CXCL12: variants seen among roughly 807,000 people sequenced by gnomAD.
CXCL12 encodes stromal cell-derived factor 1.
A neutral mutation model predicts 10.7 loss-of-function variants in CXCL12; 4 were observed. The ratio of observed to expected loss-of-function variants is 0.37; its 90% CI spans 0.18 to 0.86. CXCL12 has a LOEUF of 0.86. CXCL12 is among the 40% of genes least tolerant of loss of function. CXCL12 has a pLI of 0.43. For synonymous variants in CXCL12, 54 were observed against 45.4 expected, an observed-to-expected ratio of 1.19 and a Z score of -0.77; for missense variants, 122 against 110.4, an observed-to-expected ratio of 1.10 and a Z score of -0.47.
At chr10:44,373,488 G>A (rs751500546), downstream of CXCL12, 2 of 741,654 alleles carry the variant, frequency 2.7e-6, no homozygotes, top group African/African-American at 1.7e-5. Flanking sequence ...TCCCTTCAGA[G>A]GCCCTGCGAC....
chr10:44,370,462 T>C (rs1283725798), exon 4 of CXCL12: 1 of 152,490 alleles, frequency 6.6e-6, no homozygotes, highest in Non-Finnish European at 1.5e-5. Flanking sequence ...GTTTTATCAG[T>C]GGTCTGCTTA....
chr10:44,382,614 C>T (rs914926795), intron 1 of CXCL12, among the ~76,000 whole-genome samples: 2 of 152,038 alleles, frequency 1.3e-5, no homozygotes, highest in African/African-American at 4.8e-5. Flanking sequence ...TCCTCTGGCC[C>T]CCCAACCAAG....
At chr10:44,372,698 C>T (rs1839344791), downstream of CXCL12, 5 of 1,422,940 alleles carry the variant, frequency 3.5e-6, no homozygotes, top group South Asian at 3.1e-5. Context: ...ATGAGCAGAA[C>T]GTGGAGGATG....
At chr10:44,374,270 C>T, downstream of CXCL12, 2 of 365,140 alleles carry the variant, frequency 5.5e-6, no homozygotes, top group South Asian at 4.1e-5. Flanking sequence ...AGACTGGCCA[C>T]CCCTCCCCAG....
rs1839524721 is a variant in CXCL12 at position 44,378,415 on chromosome 10, G to GATGA, written c.*214_*217dup. 3.9e-6 allele frequency: 6 copies of GATGA among 1,552,246 alleles called. No homozygotes were observed. The highest frequency in any genetic ancestry group is 1.8e-5 in the Admixed American group (1 of 55,772). On this transcript the variant is annotated 3_prime_UTR_variant, in exon 3 of 3. Coordinates refer to ENST00000343575, the MANE Select transcript of CXCL12 (RefSeq NM_199168.4). The stretch of plus-strand genomic sequence containing the variant: ...CCAACGTGCACAGGTACAGGGCATG[G>GATGA]ATGAATATAAGCTGCAATATCATAC...
chr10:44,379,046 G>A (rs562010337), intron 2 of CXCL12, among the ~76,000 whole-genome samples: 1 of 152,270 alleles, frequency 6.6e-6, no homozygotes, highest in African/African-American at 2.4e-5. Context: ...GGGAAAATCA[G>A]GAGCAAATAC....
Position 44,377,760 on chromosome 10 carries a change from C to T in CXCL12, c.*873G>A, listed in dbSNP as rs754169734. 3 of 1,598,392 alleles carry T rather than the reference C, an allele frequency of 1.9e-6. No individual in the cohort carries two copies. The South Asian group carries it at 3.3e-5, about 18-fold the overall frequency. On this transcript the variant is annotated 3_prime_UTR_variant, in exon 3 of 3. Coordinates refer to ENST00000343575, the MANE Select transcript of CXCL12 (RefSeq NM_199168.4). ...AAGCAGGGGGACCATTACACATCCC[C>T]AGGAGAGGGCCAGCTCCATTCTGGA...
intron 1 of CXCL12, 112 bp downstream of exon 1, chr10:44,384,833 C>A (rs78453259): frequency 7.6e-6 from 8 of 1,047,338 alleles, no homozygotes; most frequent in African/African-American, 1.7e-5. Flanking sequence ...CCTCCACCCC[C>A]ACTGTGTCGG....
At chr10:44,384,833 C>CCT in intron 1 of CXCL12, 112 bp downstream of exon 1, 1 of 1,047,436 alleles carries the variant, frequency 9.5e-7, no homozygotes, top group Non-Finnish European at 1.3e-6. Context: ...CCTCCACCCC[C>CCT]ACTGTGTCGG....
intron 2 of CXCL12, among the ~76,000 whole-genome samples, chr10:44,380,118 A>C (rs1045693619): frequency 2.6e-5 from 4 of 152,190 alleles, no homozygotes; most frequent in African/African-American, 9.6e-5. Context: ...AGGGCTTTCA[A>C]GCACATGGCT....
At chr10:44,376,060 T>TA, downstream of CXCL12, 1 of 1,606,638 alleles carries the variant, frequency 6.2e-7, no homozygotes, top group Non-Finnish European at 8.5e-7. Context: ...GAACCATTAA[T>TA]AATGTGGAAA....
chr10:44,376,930 G>T, downstream of CXCL12: 21 of 141,656 alleles, frequency 1.5e-4, no homozygotes, highest in Non-Finnish European at 2.7e-4. Context: ...AAAAAAAAAA[G>T]ATCCAAAAAC....
At chr10:44,382,389 G>C (rs994606194) in intron 1 of CXCL12, among the ~76,000 whole-genome samples, 1 of 152,212 alleles carries the variant, frequency 6.6e-6, no homozygotes, top group African/African-American at 2.4e-5. Flanking sequence ...CCTGAGTGTT[G>C]TGCCTCCAGG....
chr10:44,379,769 A>G (rs746147539), intron 2 of CXCL12, among the ~76,000 whole-genome samples: 2 of 152,274 alleles, frequency 1.3e-5, no homozygotes, highest in Non-Finnish European at 2.9e-5. Context: ...AGCTAAATTG[A>G]GCATCTTTAA....
downstream of CXCL12, chr10:44,374,223 C>A (rs774046686): frequency 6.3e-5 from 22 of 350,162 alleles, no homozygotes; most frequent in Non-Finnish European, 4.0e-5. Context: ...GGCCCTCTGT[C>A]CCTAGGGGGC....
At chr10:44,379,440 A>T (rs1023265) in intron 2 of CXCL12, among the ~76,000 whole-genome samples, 11 of 152,298 alleles carry the variant, frequency 7.2e-5, no homozygotes, top group African/African-American at 2.2e-4. Context: ...CATCTCTCTG[A>T]ATCTCTTGCC....
chr10:44,376,393 G>T (rs1053974840), downstream of CXCL12, among the ~76,000 whole-genome samples: 3 of 152,178 alleles, frequency 2.0e-5, no homozygotes, highest in Admixed American at 2.0e-4. Flanking sequence ...TGTTCTCATG[G>T]GACTTTTTCT....
downstream of CXCL12, chr10:44,373,267 C>G: frequency 6.3e-7 from 1 of 1,582,960 alleles, no homozygotes; most frequent in South Asian, 1.2e-5. Flanking sequence ...GCAGGCCCTT[C>G]CCTAACACTG....
intron 1 of CXCL12, among the ~76,000 whole-genome samples, chr10:44,383,997 GGTGT>G (rs1839717837): frequency 6.6e-6 from 1 of 152,214 alleles, no homozygotes; most frequent in Non-Finnish European, 1.5e-5. Context: ...GGTTTGCATC[GGTGT>G]CCTGTGACAG....
Sources: gnomAD v4.1 joint callset for allele counts (sites outside exome capture counted in the v4.1 genomes callset) on GRCh38, gnomAD v4.1.1 for gene constraint, MANE v1.5 for transcripts, NCBI Gene and HGNC (gene_info 2026-07-23, HGNC 2026-07-21) for gene names.